Variants in SYNE1 observed in about 807,000 individuals in gnomAD.
SYNE1 encodes nesprin-1.
Under a neutral mutation model 1,111.0 loss-of-function variants are expected in SYNE1, and 616 were observed. That is an observed-to-expected ratio of 0.55 (90% CI 0.52 to 0.59). SYNE1 has a LOEUF of 0.59. Ranked by LOEUF, SYNE1 falls within the 20% of genes least tolerant of loss-of-function variation. SYNE1 has a pLI of 0.00. For synonymous variants in SYNE1, 3,855 were observed against 3,825.8 expected (o/e 1.01, Z -0.28); for missense variants, 10,006 against 10,417.0 (o/e 0.96, Z 1.72).
At chr6:152,387,722 T>A (rs181782030) in intron 53 of SYNE1, among the ~76,000 whole-genome samples, 1 of 152,340 alleles carries the variant, frequency 6.6e-6, no homozygotes, top group African/African-American at 2.4e-5. Flanking sequence ...CAATGAAATT[T>A]TATTTCATAT....
At chr6:152,347,330 T>G in intron 72 of SYNE1, 95 bp from the exon 73 acceptor site, 1 of 1,434,132 alleles carries the variant, frequency 7.0e-7, no homozygotes, top group Non-Finnish European at 9.6e-7. Flanking sequence ...TGTTTAATAT[T>G]GTTTTTGAAA....
Position 152,331,875 on chromosome 6 carries a change from A to G in SYNE1, c.12810T>C (p.Ser4270=). ...TCAAAGCTTCCAGGTGGACAGCTGT[A>G]CTCTCTGCATCAGATCTGAAAATAC... ...WDNLARSDAE[S]TAVHLEALKK... is the part of the protein sequence containing the mutation. Residue 4270 remains serine (S), a synonymous_variant, in exon 78 of 146, where the codon AGT becomes AGC. Transcript: ENST00000367255. The G allele has an allele frequency of 6.2e-7, 1 of 1,612,238 alleles. No homozygotes were observed.
rs369236839 is a variant in SYNE1 at position 152,435,990 on chromosome 6, T to C, written c.4261A>G (p.Lys1421Glu). 3.4e-5 allele frequency: 55 copies of C among 1,614,150 alleles called. No homozygotes were observed. The African/African-American group carries it at 6.0e-4, about 18-fold the overall frequency. Residue 1421 changes from lysine to glutamate, a missense_variant, in exon 33 of 146, where the codon AAG becomes GAG. Around this residue, in one of 7 missense-constraint regions of SYNE1, gnomAD observed 1,971 missense variants for 2,084.1 expected, o/e 0.95. Coordinates refer to ENST00000367255, the MANE Select transcript of SYNE1 (RefSeq NM_182961.4). ...TTTTTGACTTGTTCTTTGATTGACTTGGCCTGCTGTTGAAGCAGCTGCTTA... is the reference window on the plus strand; with the variant it reads ...TTTTTGACTTGTTCTTTGATTGACTCGGCCTGCTGTTGAAGCAGCTGCTTA... ...QNKQLLQQQAKSIKEQVKKLE... is the reference protein window; with the variant it reads ...QNKQLLQQQAESIKEQVKKLE...
At chr6:152,157,685 G>T (rs9397085) in intron 131 of SYNE1, among the ~76,000 whole-genome samples, 46,646 of 151,644 alleles carry the variant, frequency 0.31, 8,646 homozygotes, top group African/African-American at 0.52. Flanking sequence ...GCCCCACAAA[G>T]ATGTAGAAAG....
intron 3 of SYNE1, among the ~76,000 whole-genome samples, chr6:152,587,055 G>A (rs893492644): frequency 2.0e-5 from 3 of 152,046 alleles, no homozygotes; most frequent in Non-Finnish European, 2.9e-5. Flanking sequence ...GGACCATTTC[G>A]CTTATCTTTA....
At chr6:152,397,066 G>A (rs770040095) in intron 49 of SYNE1, 86 bp from the exon 50 acceptor site, 597 of 1,384,188 alleles carry the variant, frequency 4.3e-4, no homozygotes, top group Admixed American at 6.1e-4. Context: ...AAGAAAAACA[G>A]AGTCCAAAGG....
Position 152,466,029 on chromosome 6 carries a change from T to C in SYNE1, c.1682A>G (p.Gln561Arg). Residue 561 changes from glutamine (Q) to arginine (R), a missense_variant, in exon 17 of 146, where the codon CAG becomes CGG. Physicochemically the swap from Gln to Arg is conservative, Grantham distance 43. Transcript: ENST00000367255. ...CATCTCAGCTGTCTGTTTCAAGATC[T>C]GGTATGTCACCTCATATTGTTCAAA... ...KFFEQYEVTY[Q>R]ILKQTAEMYV... The C allele has an allele frequency of 6.2e-7, 1 of 1,613,034 alleles. No homozygotes were observed. The highest frequency in any genetic ancestry group is 8.5e-7 in the Non-Finnish European group (1 of 1,179,248).
At chr6:152,449,054 G>T (rs546005398) in intron 28 of SYNE1, among the ~76,000 whole-genome samples, 2 of 152,286 alleles carry the variant, frequency 1.3e-5, no homozygotes, top group African/African-American at 4.8e-5. Context: ...CTGTGGCCCT[G>T]GTGGGGTTTT....
intron 126 of SYNE1, among the ~76,000 whole-genome samples, chr6:152,202,976 C>G (rs115444321): frequency 6.6e-6 from 1 of 152,130 alleles, no homozygotes; most frequent in African/African-American, 2.4e-5. Flanking sequence ...ATCTAATATG[C>G]AAAGTAGCAG....
In SYNE1 at chr6:152,354,951, C is replaced by T. The variant is rs766866361; in HGVS notation, c.10634G>A (p.Gly3545Glu). 1 of 1,613,950 alleles carries T rather than the reference C, an allele frequency of 6.2e-7. No individual in the cohort carries two copies. Among genetic ancestry groups the T allele is most frequent in the Non-Finnish European group, 8.5e-7 (1 of 1,180,022 alleles). Reference sequence around the variant, plus strand: ...CAGCACTGAGTTCAACAGGGCCTGCCCCTCTGCACAGTGTACCTGTAGCTC... The same window carrying T: ...CAGCACTGAGTTCAACAGGGCCTGCTCCTCTGCACAGTGTACCTGTAGCTC... ...LQELQVHCAE[G>E]QALLNSVLHT... Residue 3545 changes from glycine (G) to glutamate (E), a missense_variant, in exon 67 of 146, where the codon GGG (glycine) becomes GAG (glutamate). Around this residue, in one of 7 missense-constraint regions of SYNE1, gnomAD observed 4,955 missense variants for 5,017.2 expected, o/e 0.99. Coordinates refer to ENST00000367255, the MANE Select transcript of SYNE1 (RefSeq NM_182961.4).
At chr6:152,248,017 T>C (rs1034404130) in intron 105 of SYNE1, among the ~76,000 whole-genome samples, 1 of 152,068 alleles carries the variant, frequency 6.6e-6, no homozygotes, top group Non-Finnish European at 1.5e-5. Flanking sequence ...ACAGGAGATA[T>C]TCTAACATCC....
At chr6:152,191,087 A>T (rs1249833315) in intron 127 of SYNE1, among the ~76,000 whole-genome samples, 1 of 152,230 alleles carries the variant, frequency 6.6e-6, no homozygotes, top group Non-Finnish European at 1.5e-5. Flanking sequence ...TAATTTGAGA[A>T]TGTTCAACCA....
intron 26 of SYNE1, 97 bp from the exon 27 acceptor site, chr6:152,450,930 A>T: frequency 6.3e-7 from 1 of 1,592,940 alleles, no homozygotes; most frequent in Non-Finnish European, 8.6e-7. Context: ...CACGCAGACT[A>T]CCAAGGTAGA....
intron 66 of SYNE1, among the ~76,000 whole-genome samples, chr6:152,356,618 A>G (rs2096844032): frequency 6.6e-6 from 1 of 151,746 alleles, no homozygotes; most frequent in Admixed American, 6.6e-5. Flanking sequence ...TAATTTCTGA[A>G]TATGTTCCAC....
chr6:152,480,725 C>G, intron 14 of SYNE1: 1 of 456,162 alleles, frequency 2.2e-6, no homozygotes, highest in Non-Finnish European at 4.4e-6. Flanking sequence ...TGAACCTGGC[C>G]TGAGCCCCTG....
At chr6:152,300,563 A>G (rs978281026) in intron 93 of SYNE1, 78 bp downstream of exon 93, 1 of 1,600,430 alleles carries the variant, frequency 6.2e-7, no homozygotes, top group Middle Eastern at 1.9e-4. Context: ...ATTCATACCC[A>G]CGATCTAATG....
At chr6:152,505,842 G>A (rs1455334409) in intron 8 of SYNE1, among the ~76,000 whole-genome samples, 1 of 152,140 alleles carries the variant, frequency 6.6e-6, no homozygotes, top group Non-Finnish European at 1.5e-5. Context: ...TGTAGAAAGA[G>A]CTAACACGTT....
intron 3 of SYNE1, among the ~76,000 whole-genome samples, chr6:152,609,736 T>G (rs968576509): frequency 2.6e-5 from 4 of 152,098 alleles, no homozygotes; most frequent in Non-Finnish European, 5.9e-5. Flanking sequence ...AACAGACACC[T>G]CATATAGGCA....
chr6:152,203,370 C>T (rs2075888853), intron 126 of SYNE1, among the ~76,000 whole-genome samples: 1 of 152,138 alleles, frequency 6.6e-6, no homozygotes, highest in African/African-American at 2.4e-5. Context: ...TTAATTTCAA[C>T]TAAACAAGTC....
Sources: gnomAD v4.1 joint callset for allele counts (sites outside exome capture counted in the v4.1 genomes callset) on GRCh38, gnomAD v4.1.1 for gene constraint, gnomAD v4.1.1 regional missense constraint, MANE v1.5 for transcripts, NCBI Gene and HGNC (gene_info 2026-07-23, HGNC 2026-07-21) for gene names.